ATXN3: variants seen among roughly 807,000 people sequenced by gnomAD.
The protein encoded by ATXN3 is ataxin 3, also known as ataxin-3.
A neutral mutation model predicts 58.2 loss-of-function variants in ATXN3; 28 were observed. That is an observed-to-expected ratio of 0.48 (90% CI 0.36 to 0.66). ATXN3 has a LOEUF of 0.66. Ranked by LOEUF, ATXN3 falls within the 30% of genes least tolerant of loss-of-function variation. The pLI is 0.00. For synonymous variants in ATXN3, 113 were observed against 138.5 expected (o/e 0.82, Z 1.29); for missense variants, 321 against 422.1 (o/e 0.76, Z 2.10).
intron 9 of ATXN3, among the ~76,000 whole-genome samples, chr14:92,080,316 T>G (rs541278875): frequency 3.3e-5 from 5 of 152,256 alleles, no homozygotes; most frequent in Admixed American, 2.6e-4. Flanking sequence ...TTTTTCGTAC[T>G]GATTGGTAGA....
intron 2 of ATXN3, among the ~76,000 whole-genome samples, chr14:92,047,268 G>C (rs2057431990): frequency 6.6e-6 from 1 of 152,246 alleles, no homozygotes; most frequent in Non-Finnish European, 1.5e-5. Flanking sequence ...GGGCACCACA[G>C]GGTGGATAGG....
chr14:92,083,844 C>T (rs1191364159), intron 6 of ATXN3, among the ~76,000 whole-genome samples: 1 of 152,152 alleles, frequency 6.6e-6, no homozygotes, highest in Non-Finnish European at 1.5e-5. Context: ...ACTGGGTGGT[C>T]ACCATCTAAT....
upstream of ATXN3, among the ~76,000 whole-genome samples, chr14:92,051,402 A>G (rs985578553): frequency 2.0e-5 from 3 of 152,306 alleles, no homozygotes; most frequent in African/African-American, 4.8e-5. Flanking sequence ...CAAGAATTCT[A>G]TCGATTGGCT....
intron 9 of ATXN3, among the ~76,000 whole-genome samples, chr14:92,076,749 G>A (rs890289477): frequency 6.6e-6 from 1 of 151,850 alleles, no homozygotes; most frequent in Admixed American, 6.6e-5. Flanking sequence ...AAACCAGCCT[G>A]GGCAACATGG....
intron 5 of ATXN3, 76 bp from the exon 6 acceptor site, chr14:92,088,893 A>G (rs2063156058): frequency 2.5e-6 from 2 of 798,678 alleles, no homozygotes; most frequent in African/African-American, 1.7e-5. Context: ...AAGAATAGAT[A>G]CAACCCATCA....
Position 92,062,667 on chromosome 14 carries a change from T to A in ATXN3, c.*1653A>T, listed in dbSNP as rs952006939. ...AACTTTAGATTTTAAAATAAAGCTA[T>A]CCTTTTGTGTAAGGGAAACTTCAGA... On this transcript the variant is annotated 3_prime_UTR_variant, in exon 11 of 11. Coordinates refer to ENST00000644486, the MANE Select transcript of ATXN3 (RefSeq NM_004993.6). The A allele has an allele frequency of 6.6e-6, 1 of 152,344 alleles. No individual in the cohort carries two copies. Among genetic ancestry groups the A allele is most frequent in the African/African-American group, 2.4e-5 (1 of 41,456 alleles). The allele number at this position is 152,344 out of a possible 1,614,324, so 9.4% of individuals were successfully genotyped here.
chr14:92,093,245 A>G lies in ATXN3; in HGVS notation c.387+7T>C. 1 of 1,488,500 alleles carries G rather than the reference A, an allele frequency of 6.7e-7. No individual in the cohort carries two copies. Among genetic ancestry groups the G allele is most frequent in the Non-Finnish European group, 9.3e-7 (1 of 1,077,614 alleles). 92.2% of individuals were successfully genotyped at this position (1,488,500 alleles called of 1,614,324 possible). Reference sequence around the variant, plus strand: ...AAAAAAAGACAAGGAAGGGTAAGAAATGTTACCTGTTTTCCTAATTTTCTA... The same window carrying G: ...AAAAAAAGACAAGGAAGGGTAAGAAGTGTTACCTGTTTTCCTAATTTTCTA... On this transcript the variant is annotated splice_region_variant and intron_variant, in intron 5 of 10. Coordinates refer to ENST00000644486, the MANE Select transcript of ATXN3 (RefSeq NM_004993.6).
chr14:92,090,070 ATAATT>A (rs560997508), intron 5 of ATXN3, among the ~76,000 whole-genome samples: 1 of 152,328 alleles, frequency 6.6e-6, no homozygotes, highest in African/African-American at 2.4e-5. Flanking sequence ...CCCTGTCTCT[ATAATT>A]TAAAAATGTT....
intron 10 of ATXN3, 93 bp from the exon 11 acceptor site, chr14:92,064,507 A>G: frequency 1.1e-6 from 1 of 930,624 alleles, no homozygotes; most frequent in Non-Finnish European, 1.7e-6. Flanking sequence ...TTTCTATTTG[A>G]GCACGAGTTT....
In ATXN3 at chr14:92,097,712, C is replaced by T. The variant is rs1220791163; in HGVS notation, c.25-874G>A. Among the ~76,000 whole-genome samples the T allele has an allele frequency of 2.6e-5, 4 of 151,336 alleles. 1 individual carries two copies. In the East Asian group the frequency reaches 5.8e-4, roughly 22 times the overall value. On this transcript the variant is annotated intron_variant, in intron 1 of 10. Transcript: ENST00000644486. ...GGCTAATTTTTTGTATTTTTAGTAG[C>T]GATACGGTTTCACAATGTTAGCCAG... is the stretch of plus-strand genomic sequence containing the variant.
At chr14:92,074,507 G>A (rs1483127790) in intron 9 of ATXN3, among the ~76,000 whole-genome samples, 3 of 152,152 alleles carry the variant, frequency 2.0e-5, no homozygotes, top group African/African-American at 7.2e-5. Context: ...AGCTTTCTAT[G>A]CCAAGGATCA....
At chr14:92,105,809 A>C (rs1288348922) in intron 1 of ATXN3, among the ~76,000 whole-genome samples, 1 of 152,122 alleles carries the variant, frequency 6.6e-6, no homozygotes, top group African/African-American at 2.4e-5. Flanking sequence ...ATCCCAGTCC[A>C]CTCCTAATAC....
At chr14:92,088,640 A>C in intron 6 of ATXN3, 90 bp downstream of exon 6, 1 of 947,000 alleles carries the variant, frequency 1.1e-6, no homozygotes, top group South Asian at 1.5e-5. Context: ...CCACTGCCAG[A>C]AAAACAGTTT....
rs1467001844 is a variant in ATXN3 at position 92,071,045 on chromosome 14, T to G, written c.881A>C (p.Gln294Pro). 1 of 1,606,762 alleles carries G rather than the reference T, an allele frequency of 6.2e-7. No homozygotes were observed. ...RREAYFEKQQ[Q>P]KQQQQQQQQQ... is the part of the protein sequence containing the mutation. Reference sequence around the variant, plus strand: ...CTGCTGCTGCTGCTGTTGCTGCTTTTGCTGCTGTCTGAAACATTCAAAAGT... The same window carrying G: ...CTGCTGCTGCTGCTGTTGCTGCTTTGGCTGCTGTCTGAAACATTCAAAAGT... Residue 294 changes from glutamine to proline, a missense_variant, in exon 10 of 11, where the codon CAA becomes CCA. Transcript: ENST00000644486.
intron 2 of ATXN3, 34 bp downstream of exon 2, chr14:92,096,640 A>G: frequency 6.4e-7 from 1 of 1,570,382 alleles, no homozygotes; most frequent in Non-Finnish European, 8.6e-7. Flanking sequence ...AAAAAAAAAA[A>G]AGAAATGTGA....
chr14:92,092,132 G>A (rs1412833324), intron 5 of ATXN3, among the ~76,000 whole-genome samples: 4 of 151,870 alleles, frequency 2.6e-5, no homozygotes, highest in East Asian at 3.9e-4. Flanking sequence ...TAGCCTTCTC[G>A]TCCCCAGGCA....
intron 10 of ATXN3, among the ~76,000 whole-genome samples, chr14:92,065,071 C>T (rs912106384): frequency 3.3e-5 from 5 of 152,200 alleles, no homozygotes; most frequent in Admixed American, 6.5e-5. Flanking sequence ...TGTTATAATA[C>T]CACAAAGATC....
chr14:92,067,403 C>G (rs150031811), intron 10 of ATXN3, among the ~76,000 whole-genome samples: 3 of 152,066 alleles, frequency 2.0e-5, no homozygotes, highest in Non-Finnish European at 4.4e-5. Flanking sequence ...TCTGGGAATC[C>G]TGACACAAAT....
At chr14:92,088,594 C>A in intron 6 of ATXN3, 136 bp downstream of exon 6, 1 of 698,222 alleles carries the variant, frequency 1.4e-6, no homozygotes. Context: ...CAAATCACAG[C>A]CTATCACCAC....
Sources: allele counts gnomAD v4.1 joint callset (sites outside exome capture counted in the v4.1 genomes callset), GRCh38; gene constraint gnomAD v4.1.1; transcripts MANE v1.5; gene names NCBI Gene and HGNC (gene_info 2026-07-23, HGNC 2026-07-21).